Variants in ANKRD30BL observed in about 807,000 individuals in gnomAD.
ANKRD30BL encodes putative ankyrin repeat domain-containing protein 30B-like.
ANKRD30BL carries 20 observed loss-of-function variants against 18.4 expected under a neutral mutation model. The observed-to-expected ratio is 1.09, with a 90% CI of 0.77 to 1.58. ANKRD30BL has a LOEUF of 1.58. Among genes scored for constraint, ANKRD30BL ranks in the 40% most tolerant of loss-of-function variants. The pLI is 0.00. For missense variants in ANKRD30BL, 224 were observed against 268.6 expected, an observed-to-expected ratio of 0.83 and a Z score of 1.16; for synonymous variants, 72 against 100.9, an observed-to-expected ratio of 0.71 and a Z score of 1.72.
At chr2:132,231,709 T>C (rs987480251) in intron 1 of ANKRD30BL, among the ~76,000 whole-genome samples, 12 of 152,092 alleles carry the variant, frequency 7.9e-5, no homozygotes, top group Non-Finnish European at 1.3e-4. Context: ...GTCTCGCTGA[T>C]TGCTAGCACA....
chr2:132,172,538 A>G (rs1384311100), intron 1 of ANKRD30BL, among the ~76,000 whole-genome samples: 1 of 152,186 alleles, frequency 6.6e-6, no homozygotes, highest in Admixed American at 6.5e-5. Context: ...ATAATTATCT[A>G]TTCAAGTCCT....
At chr2:132,158,919 T>G (rs1192528945) in intron 1 of ANKRD30BL, among the ~76,000 whole-genome samples, 1 of 152,110 alleles carries the variant, frequency 6.6e-6, no homozygotes, top group Middle Eastern at 3.4e-3. Context: ...AAGTAATAAT[T>G]AAATTACGGA....
chr2:132,232,017 G>T (rs181601012), intron 1 of ANKRD30BL, among the ~76,000 whole-genome samples: 1 of 152,174 alleles, frequency 6.6e-6, no homozygotes, highest in Non-Finnish European at 1.5e-5. Flanking sequence ...CATCAAGTGG[G>T]TCCCTGACCC....
upstream of ANKRD30BL, among the ~76,000 whole-genome samples, chr2:132,165,472 T>C (rs893387967): frequency 3.3e-5 from 5 of 151,782 alleles, no homozygotes; most frequent in Non-Finnish European, 7.4e-5. Flanking sequence ...GGCGGTCGCA[T>C]TGCCTGAGCT....
rs1679451018 is a variant in ANKRD30BL at position 132,214,870 on chromosome 2, A to G, written n.441+42659T>C. On this transcript the variant is annotated intron_variant and non_coding_transcript_variant, in intron 1 of 4. Transcript: ENST00000470729. Reference sequence around the variant, plus strand: ...ATAAAAACTAGACAGAAGCTTTCTGAGCAACTTCTTTGTGATGTGTGCATT... The same window carrying G: ...ATAAAAACTAGACAGAAGCTTTCTGGGCAACTTCTTTGTGATGTGTGCATT... Among the ~76,000 whole-genome samples the G allele has an allele frequency of 2.0e-5, 3 of 151,928 alleles. No homozygotes were observed. In the South Asian group the frequency reaches 6.2e-4, roughly 32 times the overall value.
chr2:132,164,269 CTTTTTTT>C (rs796313755), upstream of ANKRD30BL, among the ~76,000 whole-genome samples: 25 of 112,212 alleles, frequency 2.2e-4, no homozygotes, highest in South Asian at 6.2e-4. Flanking sequence ...TTTTCTTTTT[CTTTTTTT>C]TTTTTTTTTT....
At chr2:132,241,904 T>C (rs1263404018) in intron 1 of ANKRD30BL, among the ~76,000 whole-genome samples, 2 of 150,894 alleles carry the variant, frequency 1.3e-5, no homozygotes, top group Non-Finnish European at 3.0e-5. Context: ...TTTGTGATGA[T>C]TGCATTCAAC....
At chr2:132,169,522 C>T (rs1456529728) in intron 1 of ANKRD30BL, among the ~76,000 whole-genome samples, 1 of 151,964 alleles carries the variant, frequency 6.6e-6, no homozygotes, top group African/African-American at 2.4e-5. Context: ...TGGTGCATGC[C>T]TGTAGTCTCA....
intron 1 of ANKRD30BL, among the ~76,000 whole-genome samples, chr2:132,231,373 T>A (rs1680006325): frequency 6.6e-6 from 1 of 152,118 alleles, no homozygotes; most frequent in African/African-American, 2.4e-5. Flanking sequence ...GGTCTACAGC[T>A]CCCAGCGTGA....
chr2:132,222,028 T>C lies in ANKRD30BL; in HGVS notation n.441+35501A>G, dbSNP rs62165528. 5.4e-4 allele frequency among the ~76,000 whole-genome samples: 48 copies of C among 89,340 alleles called. 1 individual carries two copies. The highest frequency in any genetic ancestry group is 3.2e-3 in the Admixed American group (27 of 8,534). 58.6% of individuals were successfully genotyped at this position (89,340 alleles called of 152,430 possible). On this transcript the variant is annotated intron_variant and non_coding_transcript_variant, in intron 1 of 4. Transcript: ENST00000470729. The stretch of plus-strand genomic sequence containing the variant: ...AGCCCCTCTGCCCGGCCAGCCACCC[T>C]GTCCGGGAGGGAGGCGGGGGGGGGG...
At chr2:132,165,256 G>GTT (rs34616292), upstream of ANKRD30BL, among the ~76,000 whole-genome samples, 3 of 142,584 alleles carry the variant, frequency 2.1e-5, no homozygotes, top group East Asian at 2.1e-4. Flanking sequence ...TGACGTATCA[G>GTT]TTTTTTTTTT....
chr2:132,257,223 C>T (rs371150862), intron 1 of ANKRD30BL: 19 of 405,022 alleles, frequency 4.7e-5, no homozygotes, highest in Admixed American at 3.0e-5. Flanking sequence ...GCATGCCCCC[C>T]ACTTGGGACG....
intron 1 of ANKRD30BL, among the ~76,000 whole-genome samples, chr2:132,212,214 G>A (rs1021778876): frequency 6.6e-5 from 10 of 151,618 alleles, no homozygotes; most frequent in African/African-American, 2.4e-4. Context: ...GTGGATATTT[G>A]AAGCTCTTTG....
At chr2:132,248,545 A>C (rs62164056) in intron 1 of ANKRD30BL, among the ~76,000 whole-genome samples, 8 of 151,236 alleles carry the variant, frequency 5.3e-5, no homozygotes, top group African/African-American at 1.7e-4. Flanking sequence ...TGGTTCAACT[A>C]TGTGAGATGG....
At chr2:132,237,704 G>A (rs62166191) in intron 1 of ANKRD30BL, among the ~76,000 whole-genome samples, 7 of 151,966 alleles carry the variant, frequency 4.6e-5, no homozygotes, top group African/African-American at 1.7e-4. Context: ...CCTTTTCATA[G>A]AGCAGTTTTG....
chr2:132,159,048 A>G (rs922170928), intron 1 of ANKRD30BL, among the ~76,000 whole-genome samples: 6 of 152,040 alleles, frequency 3.9e-5, no homozygotes, highest in Non-Finnish European at 8.8e-5. Flanking sequence ...ATCAAAGATA[A>G]TAAAAAGGAA....
At chr2:132,161,993 G>C (rs961113275), upstream of ANKRD30BL, 6 of 314,850 alleles carry the variant, frequency 1.9e-5, no homozygotes, top group Admixed American at 2.4e-4. Context: ...TGGGAGACAC[G>C]CGAGGCAGGA....
At position 132,253,568 on chromosome 2, in the gene ANKRD30BL, G is replaced by A. The variant is rs561621427; in HGVS notation, n.441+3961C>T. Among the ~76,000 whole-genome samples the A allele has an allele frequency of 2.8e-4, 43 of 152,288 alleles. No homozygotes were observed. The East Asian group carries it at 4.3e-3, about 15-fold the overall frequency. On this transcript the variant is annotated intron_variant and non_coding_transcript_variant, in intron 1 of 4. Transcript: ENST00000470729. ...ACACGTGCAGCATGCACGACAGCAC[G>A]ATGGCCACTGGGTAAAGCCCCCACC...
chr2:132,219,804 C>T (rs2104768303), intron 1 of ANKRD30BL, among the ~76,000 whole-genome samples: 1 of 152,068 alleles, frequency 6.6e-6, no homozygotes, highest in East Asian at 1.9e-4. Context: ...GCTTTGAGGA[C>T]TTCATTGGAA....
Sources: allele counts gnomAD v4.1 joint callset (sites outside exome capture counted in the v4.1 genomes callset), GRCh38; gene constraint gnomAD v4.1.1; transcripts MANE v1.5; gene names NCBI Gene and HGNC (gene_info 2026-07-23, HGNC 2026-07-21).